ARMC9: variants seen among roughly 807,000 people sequenced by gnomAD.
The protein encoded by ARMC9 is armadillo repeat containing 9, also known as lisH domain-containing protein ARMC9.
Under a neutral mutation model 107.0 loss-of-function variants are expected in ARMC9, and 94 were observed. That is an observed-to-expected ratio of 0.88 (90% confidence interval 0.74 to 1.04). ARMC9 has a LOEUF of 1.04. ARMC9 is among the 50% of genes least tolerant of loss of function. The pLI is 0.00. For missense variants in ARMC9, 942 were observed against 1,030.1 expected, an observed-to-expected ratio of 0.91 and a Z score of 1.17; for synonymous variants, 380 against 396.9, an observed-to-expected ratio of 0.96 and a Z score of 0.51.
intron 20 of ARMC9, among the ~76,000 whole-genome samples, chr2:231,334,403 A>G (rs1478724712): frequency 6.6e-6 from 1 of 152,218 alleles, no homozygotes; most frequent in Admixed American, 6.5e-5. Flanking sequence ...TTGTGGCTGC[A>G]ACATGCCAAT....
At chr2:231,265,304 A>T (rs921434670) in intron 12 of ARMC9, among the ~76,000 whole-genome samples, 3 of 152,178 alleles carry the variant, frequency 2.0e-5, no homozygotes, top group Non-Finnish European at 4.4e-5. Flanking sequence ...ACATGCACAC[A>T]CACGTTTTCA....
chr2:231,344,123 T>C (rs957638505), intron 20 of ARMC9, among the ~76,000 whole-genome samples: 1 of 152,210 alleles, frequency 6.6e-6, no homozygotes, highest in African/African-American at 2.4e-5. Context: ...AACAACCTTG[T>C]TTATCTTACG....
Position 231,358,085 on chromosome 2 carries a change from G to C in ARMC9, c.2131+2151G>C, listed in dbSNP as rs2045413951. On this transcript the variant is annotated intron_variant, in intron 22 of 24. Coordinates refer to ENST00000611582, the MANE Select transcript of ARMC9 (RefSeq NM_001352754.2). The surrounding 1 kb of genome is among the most constrained non-coding windows in gnomAD (Gnocchi z 4.5). Reference sequence around the variant, plus strand: ...TCTCCCTGTCCTGTCACCTGCCTCTGCCTAAGGGATGGATGGCAAACAGCC... The same window carrying C: ...TCTCCCTGTCCTGTCACCTGCCTCTCCCTAAGGGATGGATGGCAAACAGCC... 6.6e-6 allele frequency among the ~76,000 whole-genome samples: 1 copy of C among 152,174 alleles called. No homozygotes were observed. Among genetic ancestry groups the C allele is most frequent in the East Asian group, 1.9e-4 (1 of 5,196 alleles).
intron 14 of ARMC9, among the ~76,000 whole-genome samples, chr2:231,275,293 G>A (rs1026681859): frequency 6.6e-6 from 1 of 152,122 alleles, no homozygotes; most frequent in Non-Finnish European, 1.5e-5. Context: ...CCTGAGTGGT[G>A]GTTTCACCAT....
chr2:231,199,889 G>A (rs546370552), intron 1 of ARMC9, among the ~76,000 whole-genome samples: 201 of 152,150 alleles, frequency 1.3e-3, no homozygotes, highest in African/African-American at 4.4e-3. Context: ...GTAGAGATGG[G>A]GTTCCACCAT....
rs1575172932 is a variant in ARMC9 at position 231,355,867 on chromosome 2, A to C, written c.2064A>C (p.Pro688=). The change falls in exon 22 of 25, where the codon CCA becomes CCC. Residue 688 remains proline (P), a synonymous_variant. Transcript: ENST00000611582. ...HARNGHPQAL[P]AAHEAVYREG... is the part of the protein sequence containing the mutation. ...GAAACGGCCACCCGCAGGCCCTGCC[A>C]GCCGCTCACGAGGCTGTCTACAGGG... 1 of 1,536,140 alleles carries C rather than the reference A, an allele frequency of 6.5e-7. No homozygotes were observed. Among genetic ancestry groups the C allele is most frequent in the Non-Finnish European group, 8.7e-7 (1 of 1,146,898 alleles).
chr2:231,360,823 C>T lies in ARMC9; in HGVS notation c.2201C>T (p.Thr734Met), dbSNP rs1197296222. ...CAGGAAGAGCCTCGCCCAGCCCCCACGGGGACCCCCCGCCAGCCAAGGGAG... is the reference window on the plus strand; with the variant it reads ...CAGGAAGAGCCTCGCCCAGCCCCCATGGGGACCCCCCGCCAGCCAAGGGAG... ...GRQEEPRPAP[T>M]GTPRQPREAP... Residue 734 changes from threonine to methionine, a missense_variant, in exon 23 of 25, where the codon ACG becomes ATG. Transcript: ENST00000611582. The surrounding 1 kb of genome is among the most constrained non-coding windows in gnomAD (Gnocchi z 4.7). 90 of 1,535,944 alleles carry T rather than the reference C, an allele frequency of 5.9e-5. No individual in the cohort carries two copies. The highest frequency in any genetic ancestry group is 7.6e-5 in the Non-Finnish European group (87 of 1,146,878).
In ARMC9 at chr2:231,262,295, C is replaced by G; in HGVS notation, c.1027-11C>G. 6.2e-7 allele frequency: 1 copy of G among 1,613,990 alleles called. No homozygotes were observed. Among genetic ancestry groups the G allele is most frequent in the Non-Finnish European group, 8.5e-7 (1 of 1,179,918 alleles). ...CTTAGGTCTCACTACTTTTGTTTTT[C>G]TTTGCTCCAGCGCTTGACCACATCC... On this transcript the variant is annotated splice_polypyrimidine_tract_variant and intron_variant, in intron 11 of 24. Transcript: ENST00000611582.
intron 20 of ARMC9, among the ~76,000 whole-genome samples, chr2:231,343,575 T>C (rs1473358608): frequency 6.6e-6 from 1 of 152,178 alleles, no homozygotes; most frequent in Non-Finnish European, 1.5e-5. Flanking sequence ...ATTGGTATCA[T>C]CCACAGACTT....
intron 17 of ARMC9, among the ~76,000 whole-genome samples, chr2:231,290,130 A>C (rs2040884911): frequency 6.6e-6 from 1 of 152,250 alleles, no homozygotes; most frequent in Non-Finnish European, 1.5e-5. Flanking sequence ...TTGTCTTTTA[A>C]AAATTTCAAG....
intron 12 of ARMC9, among the ~76,000 whole-genome samples, chr2:231,270,271 C>T (rs1401865477): frequency 6.6e-6 from 1 of 152,210 alleles, no homozygotes; most frequent in Non-Finnish European, 1.5e-5. Context: ...CTCTCCTCTG[C>T]CTGGTGTCCC....
chr2:231,231,147 C>T (rs139643909), intron 7 of ARMC9, among the ~76,000 whole-genome samples: 87 of 152,162 alleles, frequency 5.7e-4, no homozygotes, highest in African/African-American at 1.8e-3. Flanking sequence ...TTGTGCAGTC[C>T]GGAGGGACTG....
chr2:231,307,682 C>G (rs561164931), intron 19 of ARMC9, among the ~76,000 whole-genome samples: 3 of 152,316 alleles, frequency 2.0e-5, no homozygotes, highest in Admixed American at 1.3e-4. Flanking sequence ...CCCAAACCCC[C>G]CTTCTTGGTT....
In ARMC9 at chr2:231,360,928, T is replaced by C. The variant is rs1226777000; in HGVS notation, c.2261+45T>C. ...GCCTCGAACCTGACTCTCGGAGCTC[T>C]GGGAGTGGGCGCCCCACGCCGGATG... On this transcript the variant is annotated intron_variant, in intron 23 of 24. Transcript: ENST00000611582. The surrounding 1 kb of genome is among the most constrained non-coding windows in gnomAD (Gnocchi z 4.7). The C allele has an allele frequency of 6.8e-7, 1 of 1,472,072 alleles. No individual in the cohort carries two copies. Among genetic ancestry groups the C allele is most frequent in the Non-Finnish European group, 8.9e-7 (1 of 1,117,416 alleles). 91.2% of individuals were successfully genotyped at this position (1,472,072 alleles called of 1,614,324 possible). A position where few individuals can be genotyped will look rare whatever the true frequency, so the allele number is the denominator to read the frequency against.
chr2:231,254,514 C>T (rs902248178), intron 9 of ARMC9, among the ~76,000 whole-genome samples: 9 of 151,730 alleles, frequency 5.9e-5, no homozygotes, highest in Middle Eastern at 3.2e-3. Context: ...TCTAGCTTAG[C>T]TCATAAAACA....
intron 9 of ARMC9, among the ~76,000 whole-genome samples, chr2:231,248,296 C>G (rs2036957974): frequency 6.6e-6 from 1 of 152,172 alleles, no homozygotes; most frequent in Non-Finnish European, 1.5e-5. Flanking sequence ...TGTCACATTT[C>G]CTAACTGGTC....
rs2046159240 is a variant in ARMC9, at chr2:231,375,200, C to T, written c.*3665C>T. ...TCAACTATGTCTTATGGTCAGAGGG[C>T]AGTCAGGGGCTTCGCTCATGTCTGG... is the stretch of plus-strand genomic sequence containing the variant. On this transcript the variant is annotated 3_prime_UTR_variant, in exon 25 of 25. Coordinates refer to ENST00000611582, the MANE Select transcript of ARMC9 (RefSeq NM_001352754.2). This position sits in a 1 kb window ranked among gnomAD's most constrained non-coding sequence, Gnocchi z 4.3. 6.6e-6 allele frequency among the ~76,000 whole-genome samples: 1 copy of T among 152,182 alleles called. No homozygotes were observed. Among genetic ancestry groups the T allele is most frequent in the African/African-American group, 2.4e-5 (1 of 41,436 alleles).
intron 23 of ARMC9, among the ~76,000 whole-genome samples, chr2:231,366,786 A>G (rs1038798979): frequency 2.0e-5 from 3 of 150,202 alleles, no homozygotes; most frequent in African/African-American, 7.3e-5. Context: ...GGTTGCAGTG[A>G]CCCAAGATCA....
At position 231,271,206 on chromosome 2, in the gene ARMC9, G is replaced by A. The variant is rs1270988400; in HGVS notation, c.1210+134G>A. 4 of 819,504 alleles carry A rather than the reference G, an allele frequency of 4.9e-6. No individual in the cohort carries two copies. In the East Asian group the frequency reaches 1.1e-4, roughly 22 times the overall value. 50.8% of individuals were successfully genotyped at this position (819,504 alleles called of 1,614,324 possible). A position where few individuals can be genotyped will look rare whatever the true frequency, so the allele number is the denominator to read the frequency against. On this transcript the variant is annotated intron_variant, in intron 13 of 24. Coordinates refer to ENST00000611582, the MANE Select transcript of ARMC9 (RefSeq NM_001352754.2). Reference sequence around the variant, plus strand: ...TTTGTTACCGTTTAATTCATCTAAGGTCTTTTGTGAAAATTAATTGTTGTC... The same window carrying A: ...TTTGTTACCGTTTAATTCATCTAAGATCTTTTGTGAAAATTAATTGTTGTC...
Sources: gnomAD v4.1 joint callset for allele counts (sites outside exome capture counted in the v4.1 genomes callset) on GRCh38, gnomAD v4.1.1 for gene constraint, Gnocchi (gnomAD v3.1) non-coding constraint, MANE v1.5 for transcripts, NCBI Gene and HGNC (gene_info 2026-07-23, HGNC 2026-07-21) for gene names.